MAGI3: variants seen among roughly 807,000 people sequenced by gnomAD.
MAGI3 encodes the protein membrane associated guanylate kinase, WW and PDZ domain containing 3, also known as membrane-associated guanylate kinase, WW and PDZ domain-containing protein 3.
In MAGI3, 43 loss-of-function variants were observed where a neutral mutation model predicts 121.8. That is an observed-to-expected ratio of 0.35 (90% CI 0.28 to 0.46). MAGI3 has a LOEUF of 0.46. Among genes scored for constraint, MAGI3 ranks in the 20% least tolerant of loss-of-function variants. MAGI3 has a pLI of 1.00. For missense variants in MAGI3, 1,547 were observed against 1,797.3 expected (o/e 0.86, Z 2.52); for synonymous variants, 553 against 639.3 (o/e 0.86, Z 2.04).
chr1:113,524,242 A>G (rs1224097647), intron 1 of MAGI3, among the ~76,000 whole-genome samples: 1 of 152,178 alleles, frequency 6.6e-6, no homozygotes, highest in East Asian at 1.9e-4. Context: ...TGCCAAAGCA[A>G]AATGTGGGGT....
At position 113,662,856 on chromosome 1, in the gene MAGI3, C is replaced by A. The variant is rs1264538154; in HGVS notation, c.2815+3591C>A. On this transcript the variant is annotated intron_variant, in intron 16 of 20. Transcript: ENST00000307546. The stretch of plus-strand genomic sequence containing the variant: ...TTCTAAGATCCAATCCAGTATTCCT[C>A]TTGACATTTAGCTGTTGTCTTTTTT... 3.3e-5 allele frequency among the ~76,000 whole-genome samples: 5 copies of A among 152,260 alleles called. No homozygotes were observed. The East Asian group carries it at 9.6e-4, about 29-fold the overall frequency.
intron 9 of MAGI3, among the ~76,000 whole-genome samples, chr1:113,637,349 A>G (rs1314481983): frequency 1.1e-4 from 16 of 151,996 alleles, no homozygotes; most frequent in Admixed American, 9.2e-4. Flanking sequence ...ATTTGGCATG[A>G]TTTTGCAGTG....
At chr1:113,635,970 G>C (rs1383530561) in intron 9 of MAGI3, among the ~76,000 whole-genome samples, 3 of 152,036 alleles carry the variant, frequency 2.0e-5, no homozygotes, top group African/African-American at 7.2e-5. Context: ...TGTATGTGTC[G>C]AGGAATGTAT....
intron 1 of MAGI3, among the ~76,000 whole-genome samples, chr1:113,540,922 C>T (rs975851066): frequency 5.9e-5 from 9 of 152,270 alleles, no homozygotes; most frequent in African/African-American, 1.9e-4. Flanking sequence ...TGGAATTCTA[C>T]ATGTGATAAA....
chr1:113,518,301 T>A (rs1049055427), intron 1 of MAGI3, among the ~76,000 whole-genome samples: 3 of 152,136 alleles, frequency 2.0e-5, no homozygotes, highest in African/African-American at 7.2e-5. Context: ...GATATTTCTC[T>A]GAGTATGGCT....
At chr1:113,484,503 C>T (rs1159157042) in intron 1 of MAGI3, among the ~76,000 whole-genome samples, 7 of 152,094 alleles carry the variant, frequency 4.6e-5, no homozygotes, top group African/African-American at 9.7e-5. Context: ...TACGATGTTT[C>T]GTTTTCCATT....
intron 1 of MAGI3, among the ~76,000 whole-genome samples, chr1:113,405,986 C>A (rs2027537): frequency 6.6e-6 from 1 of 151,758 alleles, no homozygotes; most frequent in Non-Finnish European, 1.5e-5. Context: ...CCAGAACATC[C>A]GTATATATGT....
At chr1:113,544,672 T>C (rs1045528855) in intron 1 of MAGI3, among the ~76,000 whole-genome samples, 2 of 152,174 alleles carry the variant, frequency 1.3e-5, no homozygotes, top group Non-Finnish European at 2.9e-5. Flanking sequence ...AAGGCCAAAA[T>C]TTAAAAGGAA....
At chr1:113,665,765 T>A (rs1362263103) in intron 16 of MAGI3, among the ~76,000 whole-genome samples, 3 of 152,092 alleles carry the variant, frequency 2.0e-5, no homozygotes, top group African/African-American at 4.8e-5. Flanking sequence ...GTAAGGTGAG[T>A]CTCAATAGAT....
In MAGI3 at chr1:113,404,939, G is replaced by A. The variant is rs547221611; in HGVS notation, c.316+13590G>A. Among the ~76,000 whole-genome samples, 6 of 152,138 alleles carry A rather than the reference G, an allele frequency of 3.9e-5. No homozygotes were observed. The South Asian group carries it at 1.0e-3, about 26-fold the overall frequency. ...ATGAAATTACGAATTTCTGTGTGTT[G>A]CCAGCTGTAATAGAATACCCTGGAA... is the stretch of plus-strand genomic sequence containing the variant. On this transcript the variant is annotated intron_variant, in intron 1 of 20. Coordinates refer to ENST00000307546, the MANE Select transcript of MAGI3 (RefSeq NM_001142782.2).
rs1488444886 is a variant in MAGI3 at position 113,673,433 on chromosome 1, G to C, written c.3157G>C (p.Asp1053His). Residue 1053 changes from aspartate to histidine, a missense_variant, in exon 19 of 21, where the codon GAT (aspartate) becomes CAT (histidine). Asp to His is a moderately conservative substitution (Grantham distance 81). Coordinates refer to ENST00000307546, the MANE Select transcript of MAGI3 (RefSeq NM_001142782.2). ...GCTGTTCATCCTTCGTCTTGCTGAA[G>C]ATGGTCCTGCCATCAAAGATGGCAG... Reference protein sequence around the residue: ...MGLFILRLAEDGPAIKDGRIH... With the variant: ...MGLFILRLAEHGPAIKDGRIH... 1 of 1,613,038 alleles carries C rather than the reference G, an allele frequency of 6.2e-7. No individual in the cohort carries two copies. The highest frequency in any genetic ancestry group is 1.7e-5 in the Admixed American group (1 of 59,974).
chr1:113,477,089 C>T (rs968488214), intron 1 of MAGI3, among the ~76,000 whole-genome samples: 8 of 151,722 alleles, frequency 5.3e-5, no homozygotes, highest in African/African-American at 1.9e-4. Flanking sequence ...ATAGATCTTC[C>T]TCCATCCCTT....
At position 113,642,376 on chromosome 1, in the gene MAGI3, G is replaced by T; in HGVS notation, c.1826G>T (p.Trp609Leu). The T allele has an allele frequency of 2.5e-6, 4 of 1,614,108 alleles. No individual in the cohort carries two copies. The highest frequency in any genetic ancestry group is 3.4e-6 in the Non-Finnish European group (4 of 1,180,028). Residue 609 changes from tryptophan (W) to leucine (L), a missense_variant, in exon 10 of 21, where the codon TGG (tryptophan) becomes TTG (leucine). Trp to Leu is a moderately conservative substitution (Grantham distance 61). Transcript: ENST00000307546. ...QKVKMILDSQ[W>L]CQGLQKGDII... Reference sequence around the variant, plus strand: ...GTGAAAATGATACTGGATAGTCAGTGGTGTCAAGGCCTTCAGAAAGGAGAT... The same window carrying T: ...GTGAAAATGATACTGGATAGTCAGTTGTGTCAAGGCCTTCAGAAAGGAGAT...
chr1:113,493,542 C>T lies in MAGI3; in HGVS notation c.317-55973C>T, dbSNP rs530438060. Among the ~76,000 whole-genome samples, 25 of 152,244 alleles carry T rather than the reference C, an allele frequency of 1.6e-4. 1 individual carries two copies. In the South Asian group the frequency reaches 2.5e-3, roughly 15 times the overall value. ...AATTGACAAATGGGATCTAATTAAA[C>T]GAAAGAGCTTCTGCATAGTGGAGGA... On this transcript the variant is annotated intron_variant, in intron 1 of 20. Transcript: ENST00000307546.
chr1:113,638,621 G>A (rs1224087687), intron 9 of MAGI3, among the ~76,000 whole-genome samples: 4 of 152,226 alleles, frequency 2.6e-5, no homozygotes, highest in African/African-American at 7.2e-5. Flanking sequence ...CCGGTCATGT[G>A]AGGTGTCAGT....
intron 1 of MAGI3, among the ~76,000 whole-genome samples, chr1:113,456,117 A>ATTTTTTTTTTTTTT (rs35038942): frequency 1.8e-5 from 2 of 113,248 alleles, no homozygotes; most frequent in Non-Finnish European, 3.6e-5. Context: ...CGCCCGGCTA[A>ATTTTTTTTTTTTTT]TTTTTTTTTT....
intron 1 of MAGI3, among the ~76,000 whole-genome samples, chr1:113,532,592 A>T (rs1046361064): frequency 6.6e-6 from 1 of 152,136 alleles, no homozygotes; most frequent in African/African-American, 2.4e-5. Context: ...GATCTCTAAG[A>T]ATAATTTCTC....
At chr1:113,477,893 T>C (rs959308957) in intron 1 of MAGI3, among the ~76,000 whole-genome samples, 2 of 152,246 alleles carry the variant, frequency 1.3e-5, no homozygotes, top group Admixed American at 6.5e-5. Flanking sequence ...TCTTTTCACA[T>C]AGTCCCATAT....
chr1:113,391,186 G>T lies in MAGI3; in HGVS notation c.153G>T (p.Glu51Asp). ...EFPYLGRLRE[E>D]PGGGTCCVVS... The stretch of plus-strand genomic sequence containing the variant: ...CCTACCTGGGGCGGCTCCGCGAGGA[G>T]CCCGGCGGGGGCACCTGCTGCGTCG... The change falls in exon 1 of 21, where the codon GAG (glutamate) becomes GAT (aspartate). Residue 51 changes from glutamate to aspartate, a missense_variant. Coordinates refer to ENST00000307546, the MANE Select transcript of MAGI3 (RefSeq NM_001142782.2). The surrounding 1 kb of genome is among the most constrained non-coding windows in gnomAD (Gnocchi z 4.4). 1 of 1,551,840 alleles carries T rather than the reference G, an allele frequency of 6.4e-7. No homozygotes were observed. Among genetic ancestry groups the T allele is most frequent in the Non-Finnish European group, 8.7e-7 (1 of 1,148,096 alleles).
Sources: gnomAD v4.1 joint callset for allele counts (sites outside exome capture counted in the v4.1 genomes callset) on GRCh38, gnomAD v4.1.1 for gene constraint, Gnocchi (gnomAD v3.1) non-coding constraint, MANE v1.5 for transcripts, NCBI Gene and HGNC (gene_info 2026-07-23, HGNC 2026-07-21) for gene names.